VIT: variants seen among roughly 807,000 people sequenced by gnomAD.
The protein encoded by VIT is vitrin.
In VIT, 99 loss-of-function variants were observed where a neutral mutation model predicts 78.0. The observed-to-expected ratio is 1.27, with a 90% CI of 1.08 to 1.50. The LOEUF (loss-of-function observed/expected upper bound fraction) is 1.50, where lower values mean the gene tolerates loss of function less well. Ranked by LOEUF, VIT falls within the 40% of genes most tolerant of loss-of-function variation. The probability of loss-of-function intolerance (pLI) is 0.00; values close to 1 mark genes in which losing one functional copy is unlikely to be tolerated. For missense variants in VIT, 1,126 were observed against 875.3 expected, an observed-to-expected ratio of 1.29 and a Z score of -3.61; for synonymous variants, 374 against 334.3, an observed-to-expected ratio of 1.12 and a Z score of -1.29.
intron 2 of VIT, among the ~76,000 whole-genome samples, chr2:36,719,848 G>T (rs531361241): frequency 6.6e-6 from 1 of 152,054 alleles, no homozygotes; most frequent in Non-Finnish European, 1.5e-5. Context: ...GTCTGAGGTG[G>T]GAAGATCACC....
At chr2:36,787,618 A>T (rs1223000511) in intron 12 of VIT, among the ~76,000 whole-genome samples, 1 of 152,178 alleles carries the variant, frequency 6.6e-6, no homozygotes, top group Non-Finnish European at 1.5e-5. Context: ...CGCCTCTCTG[A>T]TTGTCAGTTT....
At chr2:36,712,744 A>C (rs1354208821) in intron 1 of VIT, among the ~76,000 whole-genome samples, 1 of 152,224 alleles carries the variant, frequency 6.6e-6, no homozygotes, top group Non-Finnish European at 1.5e-5. Flanking sequence ...GCTGAGGCAG[A>C]GAATTGCTTG....
intron 1 of VIT, among the ~76,000 whole-genome samples, chr2:36,705,880 G>A (rs1484317065): frequency 6.6e-6 from 1 of 152,132 alleles, no homozygotes. Flanking sequence ...GCTGTCCTGG[G>A]CATTGCAGGA....
intron 11 of VIT, among the ~76,000 whole-genome samples, chr2:36,786,575 A>T (rs1231679775): frequency 6.6e-6 from 1 of 152,250 alleles, no homozygotes; most frequent in Admixed American, 6.5e-5. Context: ...AAGGGCTGAC[A>T]TCCTATACAT....
At position 36,779,348 on chromosome 2, in the gene VIT, A is replaced by G. The variant is rs912699113; in HGVS notation, c.803-2379A>G. Among the ~76,000 whole-genome samples the G allele has an allele frequency of 2.0e-5, 3 of 152,254 alleles. No homozygotes were observed. In the South Asian group the frequency reaches 6.2e-4, roughly 31 times the overall value. ...ACTCACTGGATGATTGTGACTTAAT[A>G]CGTAGAAAGTGCTCAGTCAGTGCCT... is the stretch of plus-strand genomic sequence containing the variant. On this transcript the variant is annotated intron_variant, in intron 9 of 15. Transcript: ENST00000379242.
chr2:36,752,697 C>T (rs1459207424), intron 4 of VIT, among the ~76,000 whole-genome samples: 4 of 152,212 alleles, frequency 2.6e-5, no homozygotes, highest in Non-Finnish European at 4.4e-5. Flanking sequence ...GGTCAAGCCT[C>T]CTGTGCATCC....
At chr2:36,812,356 C>T (rs1427196878) in intron 15 of VIT, among the ~76,000 whole-genome samples, 1 of 152,010 alleles carries the variant, frequency 6.6e-6, no homozygotes, top group African/African-American at 2.4e-5. Context: ...CAGGCTCTGC[C>T]CTCTGTTTCA....
chr2:36,771,351 C>A (rs1266812617), intron 7 of VIT, among the ~76,000 whole-genome samples: 1 of 152,008 alleles, frequency 6.6e-6, no homozygotes, highest in Non-Finnish European at 1.5e-5. Flanking sequence ...GATGGTGAAA[C>A]CCCATCTCTA....
intron 3 of VIT, among the ~76,000 whole-genome samples, chr2:36,739,399 A>G (rs1309847383): frequency 6.6e-6 from 1 of 152,192 alleles, no homozygotes; most frequent in Admixed American, 6.5e-5. Flanking sequence ...TAGCCTAGGC[A>G]GGAGACCCAA....
At chr2:36,724,452 T>C (rs1186600249) in intron 2 of VIT, among the ~76,000 whole-genome samples, 1 of 152,154 alleles carries the variant, frequency 6.6e-6, no homozygotes, top group Admixed American at 6.5e-5. Flanking sequence ...CTAGGCGTCC[T>C]AGGAAAACGA....
chr2:36,718,892 C>T (rs1666324956), intron 2 of VIT, among the ~76,000 whole-genome samples: 1 of 152,230 alleles, frequency 6.6e-6, no homozygotes, highest in Admixed American at 6.5e-5. Flanking sequence ...TTCATTTCTA[C>T]CTTGCCCCTT....
chr2:36,773,850 A>G lies in VIT; in HGVS notation c.736+3A>G. 1 of 1,593,148 alleles carries G rather than the reference A, an allele frequency of 6.3e-7. No homozygotes were observed. The highest frequency in any genetic ancestry group is 2.3e-5 in the East Asian group (1 of 44,442). ...AAACAGGCCCAGAGCTGATCCAGGT[A>G]AGACCTTAAACTCCCTTTCCAGCCA... On this transcript the variant is annotated splice_donor_region_variant and intron_variant, in intron 8 of 15. Coordinates refer to ENST00000379242, the MANE Select transcript of VIT (RefSeq NM_053276.4).
At chr2:36,744,665 G>A (rs1485110377) in intron 4 of VIT, among the ~76,000 whole-genome samples, 2 of 151,906 alleles carry the variant, frequency 1.3e-5, no homozygotes, top group Non-Finnish European at 2.9e-5. Flanking sequence ...ACTTTTTAAC[G>A]TGGTTGTTTT....
chr2:36,774,985 C>T lies in VIT; in HGVS notation c.737-17C>T. 1 of 1,613,886 alleles carries T rather than the reference C, an allele frequency of 6.2e-7. No individual in the cohort carries two copies. The highest frequency in any genetic ancestry group is 8.5e-7 in the Non-Finnish European group (1 of 1,179,888). ...CTGGTTGTGTGTAAATCGGCTGACC[C>T]TGTGTAATCCCCTCAGGTATCCAAA... On this transcript the variant is annotated splice_polypyrimidine_tract_variant and intron_variant, in intron 8 of 15. Coordinates refer to ENST00000379242, the MANE Select transcript of VIT (RefSeq NM_053276.4).
At chr2:36,753,317 T>C (rs1354294414) in intron 4 of VIT, among the ~76,000 whole-genome samples, 1 of 152,020 alleles carries the variant, frequency 6.6e-6, no homozygotes, top group African/African-American at 2.4e-5. Flanking sequence ...GGCACGTGCT[T>C]ACTTATGTAA....
chr2:36,809,182 G>A (rs1666972931), intron 15 of VIT, among the ~76,000 whole-genome samples, 197 bp downstream of exon 15: 1 of 152,130 alleles, frequency 6.6e-6, no homozygotes, highest in South Asian at 2.1e-4. Flanking sequence ...ACAAGGATGG[G>A]GCAGCAAGGT....
At chr2:36,734,029 T>C (rs1573180619) in intron 3 of VIT, among the ~76,000 whole-genome samples, 1 of 152,238 alleles carries the variant, frequency 6.6e-6, no homozygotes, top group Non-Finnish European at 1.5e-5. Context: ...TGGTTCTCAA[T>C]GTGTGGCTCC....
intron 2 of VIT, among the ~76,000 whole-genome samples, chr2:36,719,309 G>C (rs901304969): frequency 6.6e-6 from 1 of 152,154 alleles, no homozygotes; most frequent in Non-Finnish European, 1.5e-5. Flanking sequence ...TGCTACTTCT[G>C]TTCAGCATAG....
At chr2:36,782,502 G>T (rs1041628760) in intron 10 of VIT, among the ~76,000 whole-genome samples, 18 of 152,180 alleles carry the variant, frequency 1.2e-4, no homozygotes, top group African/African-American at 4.3e-4. Flanking sequence ...GAAGACCCCC[G>T]CACCTTCCTC....
Sources: gnomAD v4.1 joint callset for allele counts (sites outside exome capture counted in the v4.1 genomes callset) on GRCh38, gnomAD v4.1.1 for gene constraint, MANE v1.5 for transcripts, NCBI Gene and HGNC (gene_info 2026-07-23, HGNC 2026-07-21) for gene names.